The following CPNE4 variants were observed in gnomAD, a reference collection of about 807,000 sequenced individuals.
CPNE4 encodes copine-4.
Under a neutral mutation model 67.9 loss-of-function variants are expected in CPNE4, and 25 were observed. That is an observed-to-expected ratio of 0.37 (90% CI 0.27 to 0.51). CPNE4 has a LOEUF of 0.51. Among genes scored for constraint, CPNE4 ranks in the 20% least tolerant of loss-of-function variants. CPNE4 has a pLI of 0.93. For synonymous variants in CPNE4, 242 were observed against 244.9 expected (o/e 0.99, Z 0.11); for missense variants, 464 against 690.8 (o/e 0.67, Z 3.68).
At chr3:131,921,092 A>C (rs2070729241) in intron 1 of CPNE4, among the ~76,000 whole-genome samples, 1 of 152,194 alleles carries the variant, frequency 6.6e-6, no homozygotes, top group Non-Finnish European at 1.5e-5. Flanking sequence ...GTGGCACCAA[A>C]GGGTGGGTGA....
At chr3:131,814,337 T>A (rs566055521) in intron 2 of CPNE4, among the ~76,000 whole-genome samples, 1 of 152,176 alleles carries the variant, frequency 6.6e-6, no homozygotes, top group African/African-American at 2.4e-5. Context: ...GCAGTCACCA[T>A]TCTAGAGAGA....
intron 2 of CPNE4, among the ~76,000 whole-genome samples, chr3:131,777,379 T>TTTTG (rs1491498699): frequency 0.088 from 4,856 of 55,452 alleles, 100 homozygotes; most frequent in Non-Finnish European, 0.12. Flanking sequence ...CATTTCAAGG[T>TTTTG]TTTTTTTTTT....
intron 7 of CPNE4, among the ~76,000 whole-genome samples, chr3:131,615,891 T>TCTCACACACACA (rs752305040): frequency 5.6e-5 from 6 of 107,818 alleles, no homozygotes; most frequent in African/African-American, 2.7e-4. Flanking sequence ...TCTCTCTCTC[T>TCTCACACACACA]CACACACACA....
At chr3:131,995,935 C>T (rs2073279427) in intron 1 of CPNE4, among the ~76,000 whole-genome samples, 1 of 152,186 alleles carries the variant, frequency 6.6e-6, no homozygotes, top group Non-Finnish European at 1.5e-5. Context: ...ACCAACACCC[C>T]TTGGTCAGTA....
intron 2 of CPNE4, among the ~76,000 whole-genome samples, chr3:131,764,210 A>C (rs974187284): frequency 1.3e-5 from 2 of 151,970 alleles, no homozygotes; most frequent in Non-Finnish European, 2.9e-5. Flanking sequence ...CAAAATATGC[A>C]GGTGGGTGAG....
intron 15 of CPNE4, chr3:131,537,583 C>T (rs112884418): frequency 0.028 from 7,857 of 279,342 alleles, 330 homozygotes; most frequent in African/African-American, 0.11. Flanking sequence ...GCACCCAGCC[C>T]TGAAGACTTG....
At chr3:131,929,307 G>C (rs139649351) in intron 1 of CPNE4, among the ~76,000 whole-genome samples, 1 of 151,434 alleles carries the variant, frequency 6.6e-6, no homozygotes, top group Non-Finnish European at 1.5e-5. Context: ...AAGTAGAACA[G>C]ATACCACCTT....
At chr3:131,702,270 G>T (rs1344342152) in intron 3 of CPNE4, among the ~76,000 whole-genome samples, 1 of 152,206 alleles carries the variant, frequency 6.6e-6, no homozygotes, top group Admixed American at 6.5e-5. Context: ...TTATGTTACA[G>T]ATGCTTTATT....
At chr3:131,940,656 G>T (rs1023022815) in intron 1 of CPNE4, among the ~76,000 whole-genome samples, 16 of 151,984 alleles carry the variant, frequency 1.1e-4, no homozygotes, top group African/African-American at 3.4e-4. Flanking sequence ...TAAAGTAACA[G>T]ATTTGATTTT....
chr3:131,900,698 C>T (rs1440025084), intron 2 of CPNE4, among the ~76,000 whole-genome samples: 1 of 151,978 alleles, frequency 6.6e-6, no homozygotes, highest in Admixed American at 6.6e-5. Flanking sequence ...CTATTATCAG[C>T]AGGAAATAAC....
chr3:131,722,865 G>A (rs2081922814), intron 3 of CPNE4, among the ~76,000 whole-genome samples: 1 of 152,192 alleles, frequency 6.6e-6, no homozygotes, highest in Non-Finnish European at 1.5e-5. Flanking sequence ...TACTTATTAG[G>A]TAGAGCCTTC....
At chr3:131,597,582 A>G (rs1337494476) in intron 7 of CPNE4, among the ~76,000 whole-genome samples, 1 of 152,224 alleles carries the variant, frequency 6.6e-6, no homozygotes, top group Non-Finnish European at 1.5e-5. Flanking sequence ...AACTGTGATC[A>G]TCACATAACG....
intron 1 of CPNE4, among the ~76,000 whole-genome samples, chr3:131,944,031 T>C (rs1324568796): frequency 2.0e-5 from 3 of 152,176 alleles, no homozygotes; most frequent in Non-Finnish European, 4.4e-5. Context: ...TTGGAACTTG[T>C]TTGCTTCTGA....
At chr3:131,676,539 C>A (rs1270036757) in intron 6 of CPNE4, among the ~76,000 whole-genome samples, 36 of 152,140 alleles carry the variant, frequency 2.4e-4, no homozygotes, top group Admixed American at 2.4e-3. Context: ...CTACCACCTT[C>A]TGCCCTCTGA....
intron 2 of CPNE4, among the ~76,000 whole-genome samples, chr3:131,728,677 G>C (rs1002297733): frequency 1.3e-5 from 2 of 151,956 alleles, no homozygotes; most frequent in Admixed American, 6.6e-5. Flanking sequence ...TTGGGAGGCC[G>C]AGGCGGGCGG....
intron 1 of CPNE4, among the ~76,000 whole-genome samples, chr3:131,975,291 C>T (rs1256556456): frequency 6.6e-6 from 1 of 152,214 alleles, no homozygotes; most frequent in South Asian, 2.1e-4. Context: ...GAAAGTCAGC[C>T]TCCAGGCAAT....
At chr3:131,811,804 A>C (rs1259395545) in intron 2 of CPNE4, among the ~76,000 whole-genome samples, 1 of 152,168 alleles carries the variant, frequency 6.6e-6, no homozygotes, top group African/African-American at 2.4e-5. Flanking sequence ...TGTGTTAAGG[A>C]GTTGAAATAT....
At chr3:131,933,365 A>G (rs144637826) in intron 1 of CPNE4, among the ~76,000 whole-genome samples, 10 of 152,318 alleles carry the variant, frequency 6.6e-5, no homozygotes, top group African/African-American at 2.2e-4. Flanking sequence ...AGGAAATTTG[A>G]GAGGCTTCGT....
At chr3:131,787,599 T>C (rs964246492) in intron 2 of CPNE4, among the ~76,000 whole-genome samples, 1 of 152,154 alleles carries the variant, frequency 6.6e-6, no homozygotes, top group Admixed American at 6.6e-5. Context: ...AAGCTGGGCA[T>C]CAACTTTTCT....
Sources: allele counts gnomAD v4.1 joint callset (sites outside exome capture counted in the v4.1 genomes callset), GRCh38; gene constraint gnomAD v4.1.1; transcripts MANE v1.5; gene names NCBI Gene and HGNC (gene_info 2026-07-23, HGNC 2026-07-21).